The following FSIP1 variants were observed in gnomAD, a reference collection of about 807,000 sequenced individuals.
FSIP1 encodes fibrous sheath-interacting protein 1.
A neutral mutation model predicts 60.9 loss-of-function variants in FSIP1; 65 were observed. The observed-to-expected ratio is 1.07, with a 90% CI of 0.87 to 1.31. FSIP1 has a LOEUF of 1.31. FSIP1 is among the 40% of genes most tolerant of loss of function. FSIP1 has a pLI of 0.00. For missense variants in FSIP1, 675 were observed against 665.5 expected (o/e 1.01, Z -0.16); for synonymous variants, 209 against 221.2 (o/e 0.94, Z 0.49).
intron 10 of FSIP1, among the ~76,000 whole-genome samples, chr15:39,708,795 A>G (rs951582512): frequency 1.3e-5 from 2 of 152,150 alleles, no homozygotes; most frequent in Non-Finnish European, 2.9e-5. Flanking sequence ...GACTCACACT[A>G]AGGAAATCCT....
chr15:39,625,990 A>T (rs1477851331), intron 10 of FSIP1, among the ~76,000 whole-genome samples: 4 of 152,126 alleles, frequency 2.6e-5, no homozygotes, highest in Non-Finnish European at 5.9e-5. Context: ...GATGATGCCT[A>T]TTTTTACTGT....
At chr15:39,657,342 A>G (rs902276716) in intron 10 of FSIP1, among the ~76,000 whole-genome samples, 1 of 152,184 alleles carries the variant, frequency 6.6e-6, no homozygotes, top group African/African-American at 2.4e-5. Context: ...CAGGGACAAG[A>G]TTACACAATT....
chr15:39,626,193 A>G (rs1004739), intron 10 of FSIP1, among the ~76,000 whole-genome samples: 18,801 of 152,148 alleles, frequency 0.12, 1,387 homozygotes, highest in East Asian at 0.21. Context: ...TGCCCACAGG[A>G]GTCTCTAGAA....
chr15:39,712,918 A>C (rs1019383719), intron 10 of FSIP1, among the ~76,000 whole-genome samples: 1 of 152,214 alleles, frequency 6.6e-6, no homozygotes, highest in African/African-American at 2.4e-5. Flanking sequence ...AATTTAAGCT[A>C]TAAGTTCAAA....
At chr15:39,667,768 G>C (rs532614782) in intron 10 of FSIP1, among the ~76,000 whole-genome samples, 71 of 152,266 alleles carry the variant, frequency 4.7e-4, no homozygotes, top group African/African-American at 1.4e-3. Context: ...AGGCATAAAA[G>C]GAAAGGGAAA....
chr15:39,758,211 G>T (rs1401637360), intron 5 of FSIP1, among the ~76,000 whole-genome samples: 2 of 152,020 alleles, frequency 1.3e-5, no homozygotes, highest in South Asian at 2.1e-4. Flanking sequence ...TGACAGTTTT[G>T]ATTTGGTTTT....
intron 10 of FSIP1, among the ~76,000 whole-genome samples, chr15:39,650,987 C>A: frequency 6.6e-6 from 1 of 152,216 alleles, no homozygotes; most frequent in East Asian, 1.9e-4. Context: ...AACAGCCACA[C>A]CTGCAGTGCT....
At chr15:39,671,003 C>T (rs76106507) in intron 10 of FSIP1, among the ~76,000 whole-genome samples, 5,867 of 152,274 alleles carry the variant, frequency 0.039, 392 homozygotes, top group African/African-American at 0.13. Flanking sequence ...CAGAAAAATG[C>T]TACCTCCTGC....
intron 10 of FSIP1, among the ~76,000 whole-genome samples, chr15:39,629,939 A>C (rs1416722897): frequency 6.6e-6 from 1 of 152,234 alleles, no homozygotes; most frequent in Non-Finnish European, 1.5e-5. Context: ...TCTTGGGTAT[A>C]AATCTAGTGC....
intron 8 of FSIP1, among the ~76,000 whole-genome samples, chr15:39,736,326 C>T (rs554585578): frequency 8.5e-5 from 13 of 152,332 alleles, no homozygotes; most frequent in African/African-American, 2.6e-4. Context: ...ACACAGCCCC[C>T]GCTGGGACCT....
intron 3 of FSIP1, among the ~76,000 whole-genome samples, chr15:39,769,538 C>T (rs1386441871): frequency 6.6e-6 from 1 of 152,192 alleles, no homozygotes; most frequent in Non-Finnish European, 1.5e-5. Context: ...GCCAGTTCAG[C>T]TCTCAACTCC....
At chr15:39,666,275 A>T (rs542868087) in intron 10 of FSIP1, among the ~76,000 whole-genome samples, 2 of 152,330 alleles carry the variant, frequency 1.3e-5, no homozygotes, top group South Asian at 4.1e-4. Flanking sequence ...AAGACTTGGA[A>T]AGACTAACAT....
intron 5 of FSIP1, among the ~76,000 whole-genome samples, chr15:39,750,158 T>C (rs1461186004): frequency 6.6e-6 from 1 of 151,786 alleles, no homozygotes; most frequent in Non-Finnish European, 1.5e-5. Context: ...TGAAAGAGAT[T>C]CAAGAGGACA....
At chr15:39,632,137 A>T (rs1891917938) in intron 10 of FSIP1, among the ~76,000 whole-genome samples, 1 of 152,080 alleles carries the variant, frequency 6.6e-6, no homozygotes, top group East Asian at 1.9e-4. Flanking sequence ...TTGGCTGAAA[A>T]TTTGTTTTAA....
chr15:39,612,245 T>C (rs546195232), intron 11 of FSIP1, among the ~76,000 whole-genome samples: 2 of 152,318 alleles, frequency 1.3e-5, no homozygotes, highest in Admixed American at 6.5e-5. Context: ...TTCTCCAGGA[T>C]AGGCCACAAA....
chr15:39,754,406 G>A (rs1203863354), intron 5 of FSIP1, among the ~76,000 whole-genome samples: 1 of 152,022 alleles, frequency 6.6e-6, no homozygotes, highest in Non-Finnish European at 1.5e-5. Context: ...CATGTTTTAG[G>A]GGTAATTTGT....
At chr15:39,648,168 T>TAAA (rs59445778) in intron 10 of FSIP1, among the ~76,000 whole-genome samples, 1 of 74,854 alleles carries the variant, frequency 1.3e-5, no homozygotes, top group Non-Finnish European at 3.6e-5. Context: ...TAAAGTATAA[T>TAAA]AAAAAAAAAA....
intron 10 of FSIP1, among the ~76,000 whole-genome samples, chr15:39,684,925 A>G (rs1368392580): frequency 6.6e-6 from 1 of 152,208 alleles, no homozygotes; most frequent in East Asian, 1.9e-4. Context: ...CCAAGGTCAC[A>G]CAGCTAGTCC....
chr15:39,768,625 C>A (rs1897771088), intron 3 of FSIP1, among the ~76,000 whole-genome samples: 1 of 152,174 alleles, frequency 6.6e-6, no homozygotes, highest in African/African-American at 2.4e-5. Flanking sequence ...CTATTGTAAT[C>A]TGTTGTTTTG....
Sources: gnomAD v4.1 joint callset for allele counts (sites outside exome capture counted in the v4.1 genomes callset) on GRCh38, gnomAD v4.1.1 for gene constraint, MANE v1.5 for transcripts, NCBI Gene and HGNC (gene_info 2026-07-23, HGNC 2026-07-21) for gene names.